ZFHX3: variants seen among roughly 807,000 people sequenced by gnomAD.
ZFHX3 encodes the protein zinc finger homeobox protein 3.
In ZFHX3, 42 loss-of-function variants were observed where a neutral mutation model predicts 279.1. The observed-to-expected ratio is 0.15, with a 90% CI of 0.12 to 0.19. The LOEUF (loss-of-function observed/expected upper bound fraction) is 0.19, where lower values mean the gene tolerates loss of function less well. ZFHX3 is among the 10% of genes least tolerant of loss of function. The pLI, the probability that ZFHX3 is intolerant of heterozygous loss-of-function variation, is 1.00. For synonymous variants in ZFHX3, 2,293 were observed against 1,957.8 expected (o/e 1.17, Z -4.52); for missense variants, 4,981 against 4,754.0 (o/e 1.05, Z -1.40).
chr16:73,273,439 A>T (rs750344866), intron 4 of ZFHX3, among the ~76,000 whole-genome samples: 16 of 152,228 alleles, frequency 1.1e-4, no homozygotes, highest in Admixed American at 4.6e-4. Context: ...TCAGTAGGCC[A>T]GCTCCATGTA....
intron 4 of ZFHX3, among the ~76,000 whole-genome samples, chr16:72,871,885 A>G (rs2038170802): frequency 6.6e-6 from 1 of 152,180 alleles, no homozygotes; most frequent in African/African-American, 2.4e-5. Flanking sequence ...CGAGATGAAG[A>G]CCACACTGGC....
In ZFHX3 at chr16:73,269,453, G is replaced by T. The variant is rs374084995; in HGVS notation, c.-1193-12317C>A. ...TTTTGTTAGCGACTTCTTTCACTTA[G>T]TATGATGCCTTTGAGATCCATCTAT... On this transcript the variant is annotated intron_variant, in intron 4 of 17. Transcript: ENST00000641206. Among the ~76,000 whole-genome samples, 21 of 152,190 alleles carry T rather than the reference G, an allele frequency of 1.4e-4. No homozygotes were observed. The South Asian group carries it at 3.9e-3, about 29-fold the overall frequency.
At chr16:73,160,463 A>G (rs1482846539) in intron 5 of ZFHX3, among the ~76,000 whole-genome samples, 1 of 152,160 alleles carries the variant, frequency 6.6e-6, no homozygotes, top group Non-Finnish European at 1.5e-5. Context: ...ATTTCTAAGG[A>G]TGAGAACTCC....
chr16:73,817,563 C>T (rs1234603395), intron 1 of ZFHX3, among the ~76,000 whole-genome samples: 1 of 152,188 alleles, frequency 6.6e-6, no homozygotes, highest in Non-Finnish European at 1.5e-5. Flanking sequence ...CAAGTCAATT[C>T]CTCATTTACC....
At chr16:73,682,995 GAAAGAAAGAAAGAAAGAGAAA>G (rs2053041521) in intron 1 of ZFHX3, among the ~76,000 whole-genome samples, 2 of 49,356 alleles carry the variant, frequency 4.1e-5, no homozygotes, top group Non-Finnish European at 9.9e-5. Context: ...AGAAAGAAAA[GAAAGAAAGAAAGAAAGAGAAA>G]GGAGGGAGGG....
intron 3 of ZFHX3, among the ~76,000 whole-genome samples, chr16:73,329,574 T>C: frequency 6.6e-6 from 1 of 152,250 alleles, no homozygotes; most frequent in South Asian, 2.1e-4. Flanking sequence ...CCCATGATAC[T>C]GCTCCAGCAT....
chr16:73,314,724 A>T (rs554053957), intron 4 of ZFHX3, among the ~76,000 whole-genome samples: 1 of 152,370 alleles, frequency 6.6e-6, no homozygotes, highest in East Asian at 1.9e-4. Flanking sequence ...TCATTCTTCC[A>T]GATAGCCCTT....
intron 1 of ZFHX3, among the ~76,000 whole-genome samples, chr16:73,696,316 G>A (rs1017877854): frequency 3.9e-5 from 6 of 152,128 alleles, no homozygotes; most frequent in South Asian, 2.1e-4. Context: ...GCAGAACACC[G>A]TCAGGGTCTG....
intron 1 of ZFHX3, among the ~76,000 whole-genome samples, chr16:73,761,164 A>T (rs538701914): frequency 6.6e-6 from 1 of 152,118 alleles, no homozygotes; most frequent in African/African-American, 2.4e-5. Context: ...ATGTGCAAAA[A>T]TCATAAGCAT....
intron 1 of ZFHX3, among the ~76,000 whole-genome samples, chr16:73,789,910 T>C (rs914027658): frequency 1.3e-5 from 2 of 152,224 alleles, no homozygotes; most frequent in African/African-American, 4.8e-5. Flanking sequence ...CTTTTTCTCC[T>C]ACTAAATGAT....
chr16:72,919,217 G>A (rs958943679), intron 3 of ZFHX3, among the ~76,000 whole-genome samples: 10 of 151,724 alleles, frequency 6.6e-5, no homozygotes, highest in Non-Finnish European at 1.2e-4. Context: ...AGTGTGCAGA[G>A]GTATAGTCAC....
chr16:73,737,940 C>G lies in ZFHX3; in HGVS notation c.-1607-57700G>C, dbSNP rs556407952. On this transcript the variant is annotated intron_variant, in intron 1 of 17. Coordinates refer to the ZFHX3 transcript ENST00000641206. ...TGAGAACCCAGGGGGTGTAGAGGTACTTTTTAGCAGCTCTGATAAAAGGTT... is the reference window on the plus strand; with the variant it reads ...TGAGAACCCAGGGGGTGTAGAGGTAGTTTTTAGCAGCTCTGATAAAAGGTT... 3.3e-5 allele frequency among the ~76,000 whole-genome samples: 5 copies of G among 152,180 alleles called. No individual in the cohort carries two copies. In the East Asian group the frequency reaches 7.7e-4, roughly 24 times the overall value.
chr16:73,583,168 G>T (rs1265311560), intron 2 of ZFHX3, among the ~76,000 whole-genome samples: 1 of 152,106 alleles, frequency 6.6e-6, no homozygotes, highest in African/African-American at 2.4e-5. Flanking sequence ...GGCCAATCAG[G>T]TTCCTTTCCT....
chr16:73,235,424 T>A (rs1597234498), intron 5 of ZFHX3, among the ~76,000 whole-genome samples: 2 of 152,114 alleles, frequency 1.3e-5, no homozygotes, highest in East Asian at 1.9e-4. Context: ...AGAAACAAAC[T>A]TCTTTCTTCC....
intron 2 of ZFHX3, among the ~76,000 whole-genome samples, chr16:73,461,594 G>A (rs2018472148): frequency 6.6e-6 from 1 of 152,118 alleles, no homozygotes; most frequent in Admixed American, 6.5e-5. Context: ...GTTCACTTTT[G>A]TTTACCTATG....
chr16:73,025,307 G>C (rs1475015521), intron 1 of ZFHX3, among the ~76,000 whole-genome samples: 4 of 152,182 alleles, frequency 2.6e-5, no homozygotes, highest in African/African-American at 9.7e-5. Context: ...CACATGGGCA[G>C]ACACCCAAGT....
intron 1 of ZFHX3, among the ~76,000 whole-genome samples, chr16:73,873,984 A>G (rs1016806986): frequency 3.9e-5 from 6 of 152,218 alleles, no homozygotes; most frequent in Non-Finnish European, 8.8e-5. Context: ...GAAGAAAAAA[A>G]AAAGAAACAA....
In ZFHX3 at chr16:73,614,645, C is replaced by A. The variant is rs182022387; in HGVS notation, c.-1547+65535G>T. Reference sequence around the variant, plus strand: ...TGGCTCTTTTTGCTGGAATCTGGAACCTTTGACCGCTCTACAGGAGAAAAG... The same window carrying A: ...TGGCTCTTTTTGCTGGAATCTGGAAACTTTGACCGCTCTACAGGAGAAAAG... On this transcript the variant is annotated intron_variant, in intron 2 of 17. Coordinates refer to the ZFHX3 transcript ENST00000641206. Among the ~76,000 whole-genome samples, 139 of 152,236 alleles carry A rather than the reference C, an allele frequency of 9.1e-4. 2 individuals are homozygous for A. Among genetic ancestry groups the A allele is most frequent in the African/African-American group, 3.1e-3 (129 of 41,546 alleles).
At chr16:73,238,039 T>C (rs190122545) in intron 5 of ZFHX3, among the ~76,000 whole-genome samples, 2 of 152,344 alleles carry the variant, frequency 1.3e-5, no homozygotes, top group Non-Finnish European at 2.9e-5. Context: ...CCTTCCTCTC[T>C]GAATCATTGT....
Sources: allele counts gnomAD v4.1 joint callset (sites outside exome capture counted in the v4.1 genomes callset), GRCh38; gene constraint gnomAD v4.1.1; transcripts MANE v1.5; gene names NCBI Gene and HGNC (gene_info 2026-07-23, HGNC 2026-07-21).